RALYL: variants seen among roughly 807,000 people sequenced by gnomAD.
RALYL encodes the protein RNA-binding Raly-like protein.
In RALYL, 29 loss-of-function variants were observed where a neutral mutation model predicts 35.1. The ratio of observed to expected loss-of-function variants is 0.83; its 90% CI spans 0.61 to 1.13. The LOEUF (loss-of-function observed/expected upper bound fraction) is 1.13, where lower values mean the gene tolerates loss of function less well. Among genes scored for constraint, RALYL ranks in the 50% most tolerant of loss-of-function variants. The pLI, the probability that RALYL is intolerant of heterozygous loss-of-function variation, is 0.00. For synonymous variants in RALYL, 120 were observed against 127.6 expected, an observed-to-expected ratio of 0.94 and a Z score of 0.40; for missense variants, 359 against 360.4, an observed-to-expected ratio of 1.00 and a Z score of 0.03.
intron 1 of RALYL, among the ~76,000 whole-genome samples, chr8:84,477,361 A>T (rs1587645950): frequency 7.9e-6 from 1 of 127,334 alleles, no homozygotes; most frequent in African/African-American, 2.8e-5. Context: ...CTATTGATTT[A>T]CATATATTTT....
chr8:84,314,378 A>G (rs1009601063), intron 1 of RALYL, among the ~76,000 whole-genome samples: 1 of 152,118 alleles, frequency 6.6e-6, no homozygotes, highest in African/African-American at 2.4e-5. Context: ...AAATTGAGCA[A>G]ATAAAAAGAA....
At chr8:84,640,149 A>G (rs1826000936) in intron 2 of RALYL, among the ~76,000 whole-genome samples, 1 of 152,018 alleles carries the variant, frequency 6.6e-6, no homozygotes, top group Non-Finnish European at 1.5e-5. Context: ...CAACAGAAAC[A>G]TAGGTCATTG....
intron 2 of RALYL, among the ~76,000 whole-genome samples, chr8:84,761,873 A>C (rs1183236078): frequency 3.3e-5 from 5 of 152,314 alleles, no homozygotes; most frequent in Non-Finnish European, 5.9e-5. Flanking sequence ...GAAAACATAC[A>C]TTCAAGAACG....
intron 2 of RALYL, among the ~76,000 whole-genome samples, chr8:84,690,107 C>A (rs190086875): frequency 5.8e-4 from 89 of 152,150 alleles, no homozygotes; most frequent in African/African-American, 2.1e-3. Context: ...TCACAACATC[C>A]AAGATATGAA....
In RALYL at chr8:84,183,710, G is replaced by C. The variant is rs1036214439; in HGVS notation, c.-738G>C. On this transcript the variant is annotated 5_prime_UTR_variant, in exon 1 of 9. Transcript: ENST00000521268. Reference sequence around the variant, plus strand: ...ATTATTGTTTATATTTGGGAAAGCTGGAGGAGCATGGTTTTGAGCCTTTTC... The same window carrying C: ...ATTATTGTTTATATTTGGGAAAGCTCGAGGAGCATGGTTTTGAGCCTTTTC... 1 of 150,604 alleles carries C rather than the reference G, an allele frequency of 6.6e-6. No homozygotes were observed. The highest frequency in any genetic ancestry group is 2.5e-5 in the African/African-American group (1 of 40,676). The allele number at this position is 150,604 out of a possible 1,614,324, so 9.3% of individuals were successfully genotyped here. A position where few individuals can be genotyped will look rare whatever the true frequency, so the allele number is the denominator to read the frequency against.
intron 2 of RALYL, among the ~76,000 whole-genome samples, chr8:84,749,326 A>ATT (rs56808126): frequency 6.6e-6 from 1 of 151,650 alleles, no homozygotes; most frequent in Non-Finnish European, 1.5e-5. Context: ...GCTTGTACCA[A>ATT]TTTTTTTTAT....
At chr8:84,368,187 G>C (rs758695026) in intron 1 of RALYL, among the ~76,000 whole-genome samples, 2 of 152,094 alleles carry the variant, frequency 1.3e-5, no homozygotes, top group Non-Finnish European at 2.9e-5. Context: ...AACATAAAAA[G>C]TACATGTATC....
At chr8:84,670,840 C>A (rs1214644828) in intron 2 of RALYL, among the ~76,000 whole-genome samples, 16 of 152,150 alleles carry the variant, frequency 1.1e-4, no homozygotes, top group Admixed American at 1.0e-3. Flanking sequence ...ATCATTCTGC[C>A]TCTGGCCCCT....
chr8:84,774,064 T>C (rs900085836), intron 2 of RALYL, among the ~76,000 whole-genome samples: 3 of 152,044 alleles, frequency 2.0e-5, no homozygotes, highest in Admixed American at 6.6e-5. Context: ...CAGAAAATTT[T>C]AAAAATTAGC....
rs1038884234 is a variant in RALYL at position 84,444,363 on chromosome 8, GA to G, written c.-23-84928del. On this transcript the variant is annotated intron_variant, in intron 1 of 8. Coordinates refer to ENST00000521268, the MANE Select transcript of RALYL (RefSeq NM_173848.7). Reference sequence around the variant, plus strand: ...AACAAACAAGCAAAAAAACAACAATGAAAAAAAACACCACACACACCCAAAA... The same window carrying G: ...AACAAACAAGCAAAAAAACAACAATGAAAAAAACACCACACACACCCAAAA... 2.6e-5 allele frequency among the ~76,000 whole-genome samples: 4 copies of G among 151,342 alleles called. No individual in the cohort carries two copies. The South Asian group carries it at 8.4e-4, about 32-fold the overall frequency.
intron 2 of RALYL, among the ~76,000 whole-genome samples, chr8:84,584,601 C>CA (rs34560691): frequency 0.011 from 1,520 of 133,190 alleles, 10 homozygotes; most frequent in South Asian, 0.025. Context: ...GACTCTGTCT[C>CA]AAAAAAAAAA....
intron 1 of RALYL, among the ~76,000 whole-genome samples, chr8:84,311,925 A>C (rs73306917): frequency 4.1e-4 from 62 of 152,268 alleles, no homozygotes; most frequent in African/African-American, 1.2e-3. Context: ...TACAATAAAC[A>C]GTGTTGGAAC....
At chr8:84,762,011 G>A (rs542546977) in intron 2 of RALYL, among the ~76,000 whole-genome samples, 1 of 152,158 alleles carries the variant, frequency 6.6e-6, no homozygotes, top group Admixed American at 6.6e-5. Context: ...TATCTATGGA[G>A]AGAGCAGGCC....
At chr8:84,450,461 C>G (rs2049340342) in intron 1 of RALYL, among the ~76,000 whole-genome samples, 1 of 151,796 alleles carries the variant, frequency 6.6e-6, no homozygotes, top group South Asian at 2.1e-4. Flanking sequence ...AGTAGCAGTA[C>G]TCATTATGTC....
chr8:84,278,120 A>G (rs1338945344), intron 1 of RALYL, among the ~76,000 whole-genome samples: 2 of 152,248 alleles, frequency 1.3e-5, no homozygotes, highest in Admixed American at 1.3e-4. Context: ...CTGCCTAGAC[A>G]TACAGGAGTT....
At chr8:84,893,113 A>G (rs1466414434) in intron 8 of RALYL, among the ~76,000 whole-genome samples, 3 of 152,228 alleles carry the variant, frequency 2.0e-5, no homozygotes, top group Non-Finnish European at 4.4e-5. Context: ...GGAACCAGAC[A>G]TAGCCACTAT....
chr8:84,862,264 C>A (rs752124794), intron 5 of RALYL, 32 bp from the exon 6 acceptor site: 5 of 1,431,024 alleles, frequency 3.5e-6, no homozygotes, highest in Non-Finnish European at 4.6e-6. Context: ...GGGCATCAAA[C>A]CAACTCTCAG....
At chr8:84,816,487 A>C (rs559534120) in intron 4 of RALYL, among the ~76,000 whole-genome samples, 1 of 152,164 alleles carries the variant, frequency 6.6e-6, no homozygotes, top group South Asian at 2.1e-4. Context: ...TGCTTATTAC[A>C]TTGGTTAAAA....
intron 1 of RALYL, among the ~76,000 whole-genome samples, chr8:84,370,081 A>T (rs1855379112): frequency 6.6e-6 from 1 of 152,242 alleles, no homozygotes; most frequent in Non-Finnish European, 1.5e-5. Flanking sequence ...TTACACAGCC[A>T]CGTAAATTTT....
Sources: gnomAD v4.1 joint callset for allele counts (sites outside exome capture counted in the v4.1 genomes callset) on GRCh38, gnomAD v4.1.1 for gene constraint, MANE v1.5 for transcripts, NCBI Gene and HGNC (gene_info 2026-07-23, HGNC 2026-07-21) for gene names.